SLC4A4: variants seen among roughly 807,000 people sequenced by gnomAD.
SLC4A4 encodes the protein solute carrier family 4 member 4, also known as electrogenic sodium bicarbonate cotransporter 1.
SLC4A4 carries 27 observed loss-of-function variants against 111.5 expected under a neutral mutation model. The observed-to-expected ratio is 0.24, with a 90% confidence interval of 0.18 to 0.33. The LOEUF (loss-of-function observed/expected upper bound fraction) is 0.33. Among genes scored for constraint, SLC4A4 ranks in the 10% least tolerant of loss-of-function variants. The probability of loss-of-function intolerance (pLI) is 1.00; values close to 1 mark genes in which losing one functional copy is unlikely to be tolerated. For synonymous variants in SLC4A4, 443 were observed against 463.4 expected (o/e 0.96, Z 0.57); for missense variants, 909 against 1,315.5 (o/e 0.69, Z 4.78).
At chr4:71,368,109 A>C (rs1414333002) in intron 6 of SLC4A4, among the ~76,000 whole-genome samples, 1 of 152,206 alleles carries the variant, frequency 6.6e-6, no homozygotes, top group African/African-American at 2.4e-5. Context: ...CTTAAAGGAT[A>C]ATTATGCCGT....
chr4:71,537,989 T>C (rs779430586), intron 18 of SLC4A4, among the ~76,000 whole-genome samples: 21 of 152,260 alleles, frequency 1.4e-4, no homozygotes, highest in Non-Finnish European at 2.2e-4. Flanking sequence ...GGATGAGCCA[T>C]AGTTTCTAAA....
intron 12 of SLC4A4, among the ~76,000 whole-genome samples, chr4:71,455,215 G>A (rs1726123556): frequency 2.0e-5 from 3 of 152,130 alleles, no homozygotes; most frequent in Admixed American, 6.6e-5. Context: ...TAACATTTTA[G>A]GAAATAATAT....
intron 9 of SLC4A4, among the ~76,000 whole-genome samples, chr4:71,448,319 C>T (rs1463278281): frequency 1.1e-5 from 1 of 89,632 alleles, no homozygotes; most frequent in African/African-American, 4.0e-5. Context: ...GATTCCATCT[C>T]AAAAAAAAAA....
chr4:71,299,335 G>A (rs912990174), intron 3 of SLC4A4, among the ~76,000 whole-genome samples: 9 of 152,150 alleles, frequency 5.9e-5, no homozygotes, highest in Non-Finnish European at 1.3e-4. Context: ...AGACCTTACT[G>A]CTTATGTAAT....
intron 2 of SLC4A4, among the ~76,000 whole-genome samples, chr4:71,145,824 T>G (rs1374673695): frequency 7.9e-5 from 12 of 152,208 alleles, no homozygotes; most frequent in Admixed American, 7.2e-4. Flanking sequence ...TGCGTCTATT[T>G]GATTCTTCTC....
At chr4:71,311,403 A>G (rs1181257567) in intron 3 of SLC4A4, among the ~76,000 whole-genome samples, 2 of 152,328 alleles carry the variant, frequency 1.3e-5, no homozygotes, top group Non-Finnish European at 2.9e-5. Context: ...TCTTCTGAGC[A>G]CCACGTAGCA....
At chr4:71,132,232 AT>A (rs576054589) in intron 2 of SLC4A4, among the ~76,000 whole-genome samples, 4 of 150,844 alleles carry the variant, frequency 2.7e-5, no homozygotes, top group African/African-American at 4.9e-5. Context: ...CTTGTTTGGT[AT>A]TTTTTTTTGG....
rs373145154 is a variant in SLC4A4, at chr4:71,469,247, A to G, written c.1631+2670A>G. ...TTCTAAGGTATATAAAAACTTCACA[A>G]TTAAGGTTGGATTTTAACTTGTATT... On this transcript the variant is annotated intron_variant, in intron 13 of 25. Transcript: ENST00000264485. Among the ~76,000 whole-genome samples, 401 of 152,132 alleles carry G rather than the reference A, an allele frequency of 2.6e-3. 1 individual carries two copies. The highest frequency in any genetic ancestry group is 4.4e-3 in the Non-Finnish European group (297 of 67,920).
Position 71,546,466 on chromosome 4 carries a change from C to A in SLC4A4, c.2559C>A (p.Asp853Glu), listed in dbSNP as rs933523828. 6.2e-7 allele frequency: 1 copy of A among 1,612,702 alleles called. No homozygotes were observed. Among genetic ancestry groups the A allele is most frequent in the Admixed American group, 1.7e-5 (1 of 59,864 alleles). ...AATVISIAHI[D>E]SLKMETETSA... The stretch of plus-strand genomic sequence containing the variant: ...CGGTCATCTCCATTGCTCACATCGA[C>A]AGTTTGAAGATGGAGACAGAGACTT... The change falls in exon 19 of 26, where the codon GAC (aspartate) becomes GAA (glutamate). Residue 853 changes from aspartate (D) to glutamate (E), a missense_variant. Asp to Glu is a conservative substitution (Grantham distance 45). Around this residue, in one of 7 missense-constraint regions of SLC4A4, gnomAD observed 104 missense variants for 219.5 expected, o/e 0.47. Coordinates refer to ENST00000264485, the MANE Select transcript of SLC4A4 (RefSeq NM_001098484.3).
rs1737931205 is a variant in SLC4A4 at position 71,571,457 on chromosome 4, G to A, written c.*3706G>A. 1 of 152,154 alleles carries A rather than the reference G, an allele frequency of 6.6e-6. No individual in the cohort carries two copies. The highest frequency in any genetic ancestry group is 2.4e-5 in the African/African-American group (1 of 41,386). 9.4% of individuals were successfully genotyped at this position (152,154 alleles called of 1,614,324 possible). A position where few individuals can be genotyped will look rare whatever the true frequency, so the allele number is the denominator to read the frequency against. On this transcript the variant is annotated 3_prime_UTR_variant, in exon 26 of 26. Coordinates refer to ENST00000264485, the MANE Select transcript of SLC4A4 (RefSeq NM_001098484.3). The stretch of plus-strand genomic sequence containing the variant: ...ATGAGTTTTCAGATGATTTCATTGA[G>A]CTTCATTGCAGCCTGAAATTTTAAA...
intron 9 of SLC4A4, 35 bp downstream of exon 9, chr4:71,447,768 C>T (rs79172866): frequency 2.3e-6 from 3 of 1,326,930 alleles, no homozygotes; most frequent in South Asian, 1.2e-5. Context: ...CTGTGAATGT[C>T]CTACTTGTTT....
At chr4:71,472,613 A>G (rs545261242) in intron 13 of SLC4A4, 86 bp from the exon 14 acceptor site, 40 of 1,399,644 alleles carry the variant, frequency 2.9e-5, no homozygotes, top group Admixed American at 7.0e-5. Flanking sequence ...ATTTTTGTCA[A>G]TCTTTCTGTA....
intron 1 of SLC4A4, among the ~76,000 whole-genome samples, chr4:71,081,300 A>C (rs886228583): frequency 6.6e-6 from 1 of 152,062 alleles, no homozygotes; most frequent in African/African-American, 2.4e-5. Context: ...TCATTTATTC[A>C]TGCAGAGCCT....
chr4:71,169,296 G>A (rs1744874903), intron 2 of SLC4A4, among the ~76,000 whole-genome samples: 1 of 151,850 alleles, frequency 6.6e-6, no homozygotes, highest in Non-Finnish European at 1.5e-5. Flanking sequence ...GATTACAGGT[G>A]TGAGCCATCA....
chr4:71,157,090 G>A (rs572262024), intron 2 of SLC4A4, among the ~76,000 whole-genome samples: 15 of 152,240 alleles, frequency 9.9e-5, no homozygotes, highest in African/African-American at 3.6e-4. Context: ...CTTAATCTGT[G>A]AATGTAAATA....
chr4:71,087,873 T>C (rs1033302269), intron 1 of SLC4A4, among the ~76,000 whole-genome samples: 1 of 152,052 alleles, frequency 6.6e-6, no homozygotes, highest in African/African-American at 2.4e-5. Flanking sequence ...GAGAAGAATG[T>C]ATATTCTGTT....
At chr4:71,288,999 G>A (rs1724130743) in intron 3 of SLC4A4, among the ~76,000 whole-genome samples, 1 of 152,114 alleles carries the variant, frequency 6.6e-6, no homozygotes, top group Admixed American at 6.5e-5. Flanking sequence ...TACATTCTAG[G>A]TTCTCAGACT....
chr4:71,080,116 T>C (rs1741952821), intron 1 of SLC4A4, among the ~76,000 whole-genome samples: 1 of 152,102 alleles, frequency 6.6e-6, no homozygotes. Flanking sequence ...GAAAGGATCC[T>C]GTTGCCAGGA....
At chr4:71,548,780 C>A (rs536857883) in intron 20 of SLC4A4, among the ~76,000 whole-genome samples, 48 of 151,964 alleles carry the variant, frequency 3.2e-4, no homozygotes, top group African/African-American at 1.0e-3. Flanking sequence ...TAGTGAAAAG[C>A]AAAAGCCCTC....
Sources: allele counts gnomAD v4.1 joint callset (sites outside exome capture counted in the v4.1 genomes callset), GRCh38; gene constraint gnomAD v4.1.1; regional missense constraint gnomAD v4.1.1; transcripts MANE v1.5; gene names NCBI Gene and HGNC (gene_info 2026-07-23, HGNC 2026-07-21).